The following ZNF679 variants were observed in gnomAD, a reference collection of about 807,000 sequenced individuals.
ZNF679 encodes hypothetical protein MGC42415.
A neutral mutation model predicts 13.4 loss-of-function variants in ZNF679; 10 were observed. That is an observed-to-expected ratio of 0.75 (90% CI 0.46 to 1.27). ZNF679 has a LOEUF of 1.27. ZNF679 is among the 50% of genes most tolerant of loss of function. The pLI is 0.00. For synonymous variants in ZNF679, 179 were observed against 162.5 expected (o/e 1.10, Z -0.77); for missense variants, 525 against 477.8 (o/e 1.10, Z -0.92).
Position 64,266,740 on chromosome 7 carries a change from T to C in ZNF679, c.1107T>C (p.Thr369=). 6.2e-7 allele frequency: 1 copy of C among 1,610,468 alleles called. No homozygotes were observed. Among genetic ancestry groups the C allele is most frequent in the Non-Finnish European group, 8.5e-7 (1 of 1,178,478 alleles). The change falls in exon 5 of 5, where the codon ACT becomes ACC. Residue 369 remains threonine (T), a synonymous_variant. Transcript: ENST00000421025. ...KAFAFSSTLN[T]HKRIHTGEEP... ...TTGCCTTCTCCTCAACTCTTAATAC[T>C]CATAAGAGGATTCATACTGGAGAGG...
chr7:64,236,566 C>T (rs1787715339), intron 1 of ZNF679, among the ~76,000 whole-genome samples: 1 of 151,994 alleles, frequency 6.6e-6, no homozygotes, highest in South Asian at 2.1e-4. Context: ...GGGTGGATCA[C>T]CTAAGGTCAG....
In ZNF679 at chr7:64,266,791, C is replaced by T; in HGVS notation, c.1158C>T (p.Asp386=). The T allele has an allele frequency of 2.5e-6, 4 of 1,608,206 alleles. No homozygotes were observed. Among genetic ancestry groups the T allele is most frequent in the Non-Finnish European group, 3.4e-6 (4 of 1,176,912 alleles). The change falls in exon 5 of 5, where the codon GAC becomes GAT. Residue 386 remains aspartate, a synonymous_variant. Coordinates refer to ENST00000421025, the MANE Select transcript of ZNF679 (RefSeq NM_153363.3). ...GEEPYKCEEC[D]KAFKWSSSLA... ...AACCCTACAAATGTGAAGAATGTGA[C>T]AAAGCTTTTAAGTGGTCCTCAAGTC...
chr7:64,252,394 A>G (rs1028554595), intron 2 of ZNF679, among the ~76,000 whole-genome samples: 3 of 152,086 alleles, frequency 2.0e-5, no homozygotes, highest in African/African-American at 4.8e-5. Context: ...TGAGTTTCAG[A>G]AAAAAAATTT....
intron 2 of ZNF679, among the ~76,000 whole-genome samples, chr7:64,251,591 A>G (rs1409784486): frequency 2.6e-5 from 4 of 152,104 alleles, no homozygotes; most frequent in African/African-American, 9.7e-5. Flanking sequence ...TTTTTGGGGG[A>G]AACCCTACAG....
At chr7:64,256,266 T>C (rs961484685) in intron 2 of ZNF679, among the ~76,000 whole-genome samples, 4 of 152,208 alleles carry the variant, frequency 2.6e-5, no homozygotes, top group African/African-American at 9.6e-5. Context: ...TTCTTATAGC[T>C]GCATCATATT....
Position 64,260,844 on chromosome 7 carries a change from C to G in ZNF679, c.177C>G (p.Val59=), listed in dbSNP as rs1429615169. The change falls in exon 4 of 5, where the codon GTC becomes GTG. Residue 59 remains valine, a synonymous_variant. Transcript: ENST00000421025. ...YRNLVSLGIA[V]SKPDLITCLE... is the part of the protein sequence containing the mutation. ...TTCTTAATAAAACAGGTATTGCTGT[C>G]TCTAAGCCAGACTTGATCACCTGTC... 1 of 1,607,630 alleles carries G rather than the reference C, an allele frequency of 6.2e-7. No homozygotes were observed. Among genetic ancestry groups the G allele is most frequent in the East Asian group, 2.2e-5 (1 of 44,824 alleles).
chr7:64,261,167 C>T (rs1296345937), intron 4 of ZNF679, among the ~76,000 whole-genome samples: 1 of 152,074 alleles, frequency 6.6e-6, no homozygotes, highest in Non-Finnish European at 1.5e-5. Context: ...CAGTGTGAGC[C>T]AAAGTTTTCT....
intron 3 of ZNF679, 86 bp from the exon 4 acceptor site, chr7:64,260,748 T>G: frequency 7.5e-7 from 1 of 1,336,304 alleles, no homozygotes; most frequent in Non-Finnish European, 1.0e-6. Flanking sequence ...AATTTTCTAT[T>G]ATATCCTCTT....
At position 64,266,068 on chromosome 7, in the gene ZNF679, C is replaced by G. The variant is rs1788142065; in HGVS notation, c.435C>G (p.Asn145Lys). The stretch of plus-strand genomic sequence containing the variant: ...AAAAAGGAGGTTGTAATGAAGTTAA[C>G]CAATGTTTGTCAACTACCCAAAACA... ...EVQKGGCNEV[N>K]QCLSTTQNKI... is the part of the protein sequence containing the mutation. The change falls in exon 5 of 5, where the codon AAC (asparagine) becomes AAG (lysine). Residue 145 changes from asparagine to lysine, a missense_variant. By Grantham distance (94) the Asn-to-Lys change is moderately conservative. Coordinates refer to ENST00000421025, the MANE Select transcript of ZNF679 (RefSeq NM_153363.3). 1 of 1,613,228 alleles carries G rather than the reference C, an allele frequency of 6.2e-7. No individual in the cohort carries two copies. Among genetic ancestry groups the G allele is most frequent in the Non-Finnish European group, 8.5e-7 (1 of 1,179,604 alleles).
intron 1 of ZNF679, among the ~76,000 whole-genome samples, chr7:64,232,898 G>GT (rs1189907832): frequency 6.6e-6 from 1 of 152,152 alleles, no homozygotes; most frequent in Non-Finnish European, 1.5e-5. Context: ...ATTCCTAAAT[G>GT]TTTAATCCAG....
intron 2 of ZNF679, among the ~76,000 whole-genome samples, chr7:64,258,350 A>C (rs1018600458): frequency 1.3e-5 from 2 of 152,130 alleles, no homozygotes; most frequent in Non-Finnish European, 2.9e-5. Context: ...AATACATTTC[A>C]GAGAAAGAGG....
intron 1 of ZNF679, among the ~76,000 whole-genome samples, chr7:64,243,361 T>C (rs1321812656): frequency 6.6e-6 from 1 of 152,198 alleles, no homozygotes; most frequent in Non-Finnish European, 1.5e-5. Context: ...TCAATATTTT[T>C]ACTATAGGTA....
chr7:64,259,547 G>T (rs1183441019), intron 2 of ZNF679, among the ~76,000 whole-genome samples: 2 of 152,184 alleles, frequency 1.3e-5, no homozygotes, highest in Non-Finnish European at 2.9e-5. Flanking sequence ...GGGTGCTAAA[G>T]AAAGGCTACT....
chr7:64,249,180 G>C (rs1462694089), intron 2 of ZNF679, 24 bp downstream of exon 2: 1 of 1,614,094 alleles, frequency 6.2e-7, no homozygotes, highest in East Asian at 2.2e-5. Flanking sequence ...CTGTCACCGT[G>C]AGAGAGGGGT....
Position 64,265,852 on chromosome 7 carries a change from T to C in ZNF679, c.263-44T>C, listed in dbSNP as rs10262403. On this transcript the variant is annotated intron_variant, in intron 4 of 4. Coordinates refer to ENST00000421025, the MANE Select transcript of ZNF679 (RefSeq NM_153363.3). ...ATTCGATTTGTAAAGTATATCTATC[T>C]GGGTGTAGTAAGTGAAGTAACTTGT... 6.7e-3 allele frequency: 10,665 copies of C among 1,582,360 alleles called. 632 individuals carry two copies. In the African/African-American group the frequency reaches 0.12, roughly 18 times the overall value.
intron 1 of ZNF679, among the ~76,000 whole-genome samples, chr7:64,241,742 T>C (rs1787801448): frequency 6.6e-6 from 1 of 152,224 alleles, no homozygotes; most frequent in African/African-American, 2.4e-5. Context: ...AGAGACTCAC[T>C]TCACTTTGAT....
intron 1 of ZNF679, among the ~76,000 whole-genome samples, chr7:64,230,340 T>C (rs1376793721): frequency 6.6e-6 from 1 of 151,838 alleles, no homozygotes; most frequent in African/African-American, 2.4e-5. Flanking sequence ...GAGACCATCC[T>C]GGCTAACAAG....
intron 3 of ZNF679, 65 bp downstream of exon 3, chr7:64,260,412 T>G (rs1788061132): frequency 6.8e-7 from 1 of 1,475,812 alleles, no homozygotes; most frequent in Non-Finnish European, 9.1e-7. Context: ...AAATGTTTTT[T>G]GGTAATTTCT....
rs1185747411 is a variant in ZNF679 at position 64,260,995 on chromosome 7, C to T, written c.262+66C>T. On this transcript the variant is annotated intron_variant, in intron 4 of 4. Coordinates refer to ENST00000421025, the MANE Select transcript of ZNF679 (RefSeq NM_153363.3). Reference sequence around the variant, plus strand: ...TGCAAAAGTCAAGGAGGAAGCCAGTCCTTAAAATGTGATTTGGGGAGATGT... The same window carrying T: ...TGCAAAAGTCAAGGAGGAAGCCAGTTCTTAAAATGTGATTTGGGGAGATGT... 3 of 1,469,946 alleles carry T rather than the reference C, an allele frequency of 2.0e-6. No individual in the cohort carries two copies. In the East Asian group the frequency reaches 7.0e-5, roughly 35 times the overall value. The allele number at this position is 1,469,946 out of a possible 1,614,324, so 91.1% of individuals were successfully genotyped here. A position where few individuals can be genotyped will look rare whatever the true frequency, so the allele number is the denominator to read the frequency against.
Sources: gnomAD v4.1 joint callset for allele counts (sites outside exome capture counted in the v4.1 genomes callset) on GRCh38, gnomAD v4.1.1 for gene constraint, MANE v1.5 for transcripts, NCBI Gene and HGNC (gene_info 2026-07-23, HGNC 2026-07-21) for gene names.